Variants in IGSF21 observed in about 807,000 individuals in gnomAD.
The protein encoded by IGSF21 is immunoglobulin superfamily member 21.
IGSF21 carries 28 observed loss-of-function variants against 46.8 expected under a neutral mutation model. The ratio of observed to expected loss-of-function variants is 0.60; its 90% CI spans 0.44 to 0.82. The LOEUF (loss-of-function observed/expected upper bound fraction) is 0.82, where lower values mean the gene tolerates loss of function less well. IGSF21 is among the 40% of genes least tolerant of loss of function. The pLI, the probability that IGSF21 is intolerant of heterozygous loss-of-function variation, is 0.00. For synonymous variants in IGSF21, 284 were observed against 273.6 expected (o/e 1.04, Z -0.38); for missense variants, 624 against 665.5 (o/e 0.94, Z 0.69).
At chr1:18,368,780 G>T (rs958753219) in intron 6 of IGSF21, among the ~76,000 whole-genome samples, 2 of 152,154 alleles carry the variant, frequency 1.3e-5, no homozygotes, top group Non-Finnish European at 2.9e-5. Context: ...CTGGCTTCCA[G>T]CGGGGTGGCA....
At chr1:18,235,812 G>T (rs977934230) in intron 2 of IGSF21, among the ~76,000 whole-genome samples, 4 of 152,194 alleles carry the variant, frequency 2.6e-5, no homozygotes, top group East Asian at 1.9e-4. Context: ...AGAATGGTTT[G>T]CAGAGGAGGT....
chr1:18,168,410 C>T (rs890984727), intron 1 of IGSF21, among the ~76,000 whole-genome samples: 2 of 152,144 alleles, frequency 1.3e-5, no homozygotes, highest in Non-Finnish European at 2.9e-5. Flanking sequence ...AATATCAAAG[C>T]ATCACTCAGC....
At chr1:18,229,142 T>G (rs954604928) in intron 2 of IGSF21, among the ~76,000 whole-genome samples, 3 of 152,002 alleles carry the variant, frequency 2.0e-5, no homozygotes, top group African/African-American at 7.2e-5. Context: ...TCCTAATCTT[T>G]GTTGCCCTTT....
At chr1:18,373,584 G>T (rs2086250336) in intron 6 of IGSF21, among the ~76,000 whole-genome samples, 1 of 152,180 alleles carries the variant, frequency 6.6e-6, no homozygotes, top group Non-Finnish European at 1.5e-5. Flanking sequence ...GGGAGGACCA[G>T]ACCCCTCTTC....
chr1:18,191,342 A>G (rs1353837991), intron 1 of IGSF21, among the ~76,000 whole-genome samples: 1 of 152,160 alleles, frequency 6.6e-6, no homozygotes, highest in Non-Finnish European at 1.5e-5. Flanking sequence ...CAAACTGTGA[A>G]GTCCTGTGCC....
chr1:18,247,793 A>G (rs2084799407), intron 2 of IGSF21, among the ~76,000 whole-genome samples: 1 of 152,180 alleles, frequency 6.6e-6, no homozygotes, highest in South Asian at 2.1e-4. Flanking sequence ...GGGTACTGTC[A>G]TTGTCCCCAT....
chr1:18,213,640 G>A (rs1420142910), intron 1 of IGSF21, among the ~76,000 whole-genome samples: 2 of 152,150 alleles, frequency 1.3e-5, no homozygotes, highest in South Asian at 2.1e-4. Flanking sequence ...TGGAGTGTGG[G>A]GAGCACACGG....
At chr1:18,224,656 T>A (rs748446730) in intron 1 of IGSF21, among the ~76,000 whole-genome samples, 2 of 152,120 alleles carry the variant, frequency 1.3e-5, no homozygotes, top group African/African-American at 4.8e-5. Flanking sequence ...TTGTTTTTCA[T>A]GCATAAAGGA....
At chr1:18,160,546 GTTTTCTGGTTTAAGTCATAAT>G (rs753615293) in intron 1 of IGSF21, among the ~76,000 whole-genome samples, 1 of 152,104 alleles carries the variant, frequency 6.6e-6, no homozygotes, top group Non-Finnish European at 1.5e-5. Flanking sequence ...GAACTTGTGT[GTTTTCTGGTTTAAGTCATAAT>G]TTCTTTTCTG....
At chr1:18,199,459 A>G (rs2087045186) in intron 1 of IGSF21, among the ~76,000 whole-genome samples, 1 of 152,180 alleles carries the variant, frequency 6.6e-6, no homozygotes, top group African/African-American at 2.4e-5. Context: ...ACGGACATCC[A>G]GGCGCCCCTC....
chr1:18,193,551 T>C (rs1190350660), intron 1 of IGSF21, among the ~76,000 whole-genome samples: 3 of 152,156 alleles, frequency 2.0e-5, no homozygotes, highest in Admixed American at 1.3e-4. Context: ...GCATCCAGCA[T>C]GGGAGAAAGA....
rs2086151377 is a variant in IGSF21, at chr1:18,365,355, A to T, written c.673A>T (p.Met225Leu). ...LLHRDLDDTK[M>L]QKSLSLLDAE... ...GCACCGTGACCTGGATGACACCAAGATGCAGAAGTCACTGTCCCTCCTGGA... is the reference window on the plus strand; with the variant it reads ...GCACCGTGACCTGGATGACACCAAGTTGCAGAAGTCACTGTCCCTCCTGGA... Residue 225 changes from methionine to leucine, a missense_variant, in exon 6 of 10, where the codon ATG (methionine) becomes TTG (leucine). Coordinates refer to ENST00000251296, the MANE Select transcript of IGSF21 (RefSeq NM_032880.5). The surrounding 1 kb of genome is among the most constrained non-coding windows in gnomAD (Gnocchi z 4.8). The T allele has an allele frequency of 6.2e-7, 1 of 1,614,024 alleles. No homozygotes were observed. The highest frequency in any genetic ancestry group is 2.2e-5 in the East Asian group (1 of 44,840).
intron 1 of IGSF21, among the ~76,000 whole-genome samples, chr1:18,126,399 G>A (rs2124412353): frequency 6.6e-6 from 1 of 152,314 alleles, no homozygotes; most frequent in East Asian, 1.9e-4. Flanking sequence ...TCCTCCACAT[G>A]TGGGGAAACT....
intron 6 of IGSF21, among the ~76,000 whole-genome samples, chr1:18,375,727 C>T (rs144022894): frequency 5.3e-5 from 8 of 152,242 alleles, no homozygotes; most frequent in African/African-American, 1.9e-4. Context: ...AGTAGGAGAC[C>T]CGCACCTTGA....
rs560264371 is a variant in IGSF21 at position 18,281,720 on chromosome 1, G to A, written c.184-10146G>A. ...CCCGAGCCCCTCTCTTTAGGGGCAAGCCATGTGACCCTGAACCCTGTCTCT... is the reference window on the plus strand; with the variant it reads ...CCCGAGCCCCTCTCTTTAGGGGCAAACCATGTGACCCTGAACCCTGTCTCT... On this transcript the variant is annotated intron_variant, in intron 2 of 9. Coordinates refer to ENST00000251296, the MANE Select transcript of IGSF21 (RefSeq NM_032880.5). 9.7e-4 allele frequency among the ~76,000 whole-genome samples: 148 copies of A among 152,282 alleles called. 1 individual carries two copies. The Middle Eastern group carries it at 0.041, about 42-fold the overall frequency.
At chr1:18,228,921 A>G (rs943415992) in intron 2 of IGSF21, among the ~76,000 whole-genome samples, 1 of 152,240 alleles carries the variant, frequency 6.6e-6, no homozygotes, top group African/African-American at 2.4e-5. Flanking sequence ...ATGAAAGGGC[A>G]TGGCTGTGTG....
intron 2 of IGSF21, among the ~76,000 whole-genome samples, chr1:18,261,913 A>T (rs964463074): frequency 1.3e-5 from 2 of 152,208 alleles, no homozygotes; most frequent in African/African-American, 4.8e-5. Context: ...AAAGGGAAGA[A>T]AGCCAGTGAA....
chr1:18,362,752 G>C (rs1305293451), intron 5 of IGSF21, among the ~76,000 whole-genome samples: 1 of 151,448 alleles, frequency 6.6e-6, no homozygotes, highest in Admixed American at 6.6e-5. Flanking sequence ...AGGGAAGAGA[G>C]AGGAAATTCC....
chr1:18,176,831 G>T (rs968718471), intron 1 of IGSF21, among the ~76,000 whole-genome samples: 1 of 152,198 alleles, frequency 6.6e-6, no homozygotes, highest in East Asian at 1.9e-4. Context: ...GGATTAGGGG[G>T]CTTTGGGGGC....
Sources: allele counts gnomAD v4.1 joint callset (sites outside exome capture counted in the v4.1 genomes callset), GRCh38; gene constraint gnomAD v4.1.1; non-coding constraint Gnocchi (gnomAD v3.1); transcripts MANE v1.5; gene names NCBI Gene and HGNC (gene_info 2026-07-23, HGNC 2026-07-21).